Variants in EFEMP1 observed in about 807,000 individuals in gnomAD.
The protein encoded by EFEMP1 is EGF-like fibulin extracellular matrix protein 1.
In EFEMP1, 18 loss-of-function variants were observed where a neutral mutation model predicts 65.7. The observed-to-expected ratio is 0.27, with a 90% CI of 0.19 to 0.41. The LOEUF is 0.41. Among genes scored for constraint, EFEMP1 ranks in the 10% least tolerant of loss-of-function variants. EFEMP1 has a pLI of 1.00. For synonymous variants in EFEMP1, 237 were observed against 219.7 expected (o/e 1.08, Z -0.70); for missense variants, 469 against 624.8 (o/e 0.75, Z 2.66).
At chr2:55,891,459 G>GA (rs1558472044) in intron 5 of EFEMP1, among the ~76,000 whole-genome samples, 1 of 152,082 alleles carries the variant, frequency 6.6e-6, no homozygotes, top group South Asian at 2.1e-4. Flanking sequence ...ATTAAAAATT[G>GA]AAAAACAGAT....
chr2:55,922,542 G>A lies in EFEMP1; in HGVS notation c.-7-95C>T. 1.7e-6 allele frequency: 2 copies of A among 1,157,784 alleles called. No individual in the cohort carries two copies. The highest frequency in any genetic ancestry group is 3.5e-5 in the Admixed American group (2 of 57,472). 71.7% of individuals were successfully genotyped at this position (1,157,784 alleles called of 1,614,324 possible). A position where few individuals can be genotyped will look rare whatever the true frequency, so the allele number is the denominator to read the frequency against. On this transcript the variant is annotated intron_variant, in intron 2 of 11. Coordinates refer to ENST00000355426, the MANE Select transcript of EFEMP1 (RefSeq NM_001039348.3). The surrounding 1 kb of genome is among the most constrained non-coding windows in gnomAD (Gnocchi z 5.5). ...GAGCACAAGCGAGGAAAGGAGGGTG[G>A]GAGAGGCTGAGGCTCCACCATACTC...
Position 55,870,811 on chromosome 2 carries a change from A to T in EFEMP1, c.1229T>A (p.Ile410Asn). ...IRSDRSVPSD[I>N]FQIQATTIYA... is the part of the protein sequence containing the mutation. The stretch of plus-strand genomic sequence containing the variant: ...AATAGTTGTGGCCTGTATCTGGAAG[A>T]TGTCTGATGGCACAGACCTATCAGA... Residue 410 changes from isoleucine (I) to asparagine (N), a missense_variant, in exon 11 of 12, where the codon ATC becomes AAC. Around this residue, in one of 3 missense-constraint regions of EFEMP1, gnomAD observed 399 missense variants for 528.2 expected, o/e 0.76. Coordinates refer to ENST00000355426, the MANE Select transcript of EFEMP1 (RefSeq NM_001039348.3). The surrounding 1 kb of genome is among the most constrained non-coding windows in gnomAD (Gnocchi z 5.8). 1 of 1,613,886 alleles carries T rather than the reference A, an allele frequency of 6.2e-7. No individual in the cohort carries two copies. The highest frequency in any genetic ancestry group is 8.5e-7 in the Non-Finnish European group (1 of 1,179,836).
chr2:55,881,943 G>A (rs1195615790), intron 5 of EFEMP1, among the ~76,000 whole-genome samples: 1 of 152,148 alleles, frequency 6.6e-6, no homozygotes, highest in South Asian at 2.1e-4. Flanking sequence ...TTTAACAAAT[G>A]CTAACATTTT....
intron 5 of EFEMP1, among the ~76,000 whole-genome samples, chr2:55,907,196 A>G (rs559069065): frequency 1.3e-5 from 2 of 152,346 alleles, no homozygotes; most frequent in South Asian, 2.1e-4. Flanking sequence ...AACTATGATC[A>G]GTTTCATTTT....
At chr2:55,908,606 CAAGTG>C (rs1670370349) in intron 5 of EFEMP1, among the ~76,000 whole-genome samples, 2 of 152,066 alleles carry the variant, frequency 1.3e-5, no homozygotes, top group African/African-American at 2.4e-5. Context: ...TGCAAAAAAA[CAAGTG>C]AAGTAATGGT....
At chr2:55,895,823 G>A (rs1669810970) in intron 5 of EFEMP1, among the ~76,000 whole-genome samples, 1 of 152,010 alleles carries the variant, frequency 6.6e-6, no homozygotes, top group African/African-American at 2.4e-5. Flanking sequence ...TTACAGGCGT[G>A]AACCACCGCG....
chr2:55,918,293 G>T, intron 3 of EFEMP1, 26 bp from the exon 4 acceptor site: 1 of 1,613,956 alleles, frequency 6.2e-7, no homozygotes, highest in Non-Finnish European at 8.5e-7. Flanking sequence ...CAAAGGTGGG[G>T]CCAGGAGACA....
rs950252106 is a variant in EFEMP1 at position 55,877,382 on chromosome 2, G to A, written c.760+364C>T. 2.6e-5 allele frequency among the ~76,000 whole-genome samples: 4 copies of A among 152,152 alleles called. No homozygotes were observed. The highest frequency in any genetic ancestry group is 4.8e-5 in the African/African-American group (2 of 41,452). ...CATTCTGAAAGGGGAGAAGAGGCATGTAAAAATCAGATGCACTTTCAGTGG... is the reference window on the plus strand; with the variant it reads ...CATTCTGAAAGGGGAGAAGAGGCATATAAAAATCAGATGCACTTTCAGTGG... On this transcript the variant is annotated intron_variant, in intron 7 of 11. Coordinates refer to ENST00000355426, the MANE Select transcript of EFEMP1 (RefSeq NM_001039348.3). The surrounding 1 kb of genome is among the most constrained non-coding windows in gnomAD (Gnocchi z 4.5).
intron 5 of EFEMP1, among the ~76,000 whole-genome samples, chr2:55,904,030 G>T (rs982150575): frequency 4.6e-5 from 7 of 152,160 alleles, no homozygotes; most frequent in African/African-American, 7.2e-5. Flanking sequence ...GAAGATAAAG[G>T]TATGGCTCAG....
Position 55,922,909 on chromosome 2 carries a change from CAG to C in EFEMP1, c.-20_-19del. The C allele has an allele frequency of 5.4e-6, 6 of 1,101,372 alleles. No individual in the cohort carries two copies. Among genetic ancestry groups the C allele is most frequent in the Non-Finnish European group, 5.6e-6 (5 of 898,180 alleles). The allele number at this position is 1,101,372 out of a possible 1,614,324, so 68.2% of individuals were successfully genotyped here. ...TCCCAGTATACTCACCTTGAGCTAG[CAG>C]AGTTCCTTGCACAGCACAGCAAAAA... is the stretch of plus-strand genomic sequence containing the variant. On this transcript the variant is annotated 5_prime_UTR_variant, in exon 2 of 12. Coordinates refer to ENST00000355426, the MANE Select transcript of EFEMP1 (RefSeq NM_001039348.3). This position sits in a 1 kb window ranked among gnomAD's most constrained non-coding sequence, Gnocchi z 5.5.
chr2:55,910,345 T>C (rs1670436246), intron 5 of EFEMP1, among the ~76,000 whole-genome samples: 1 of 152,220 alleles, frequency 6.6e-6, no homozygotes, highest in South Asian at 2.1e-4. Context: ...AGTGTGCGAT[T>C]TGCAATTACC....
intron 5 of EFEMP1, among the ~76,000 whole-genome samples, chr2:55,893,725 T>C (rs1319157492): frequency 1.3e-5 from 2 of 152,218 alleles, no homozygotes; most frequent in African/African-American, 4.8e-5. Context: ...TTCAGCTATA[T>C]ACAGATGGAA....
At position 55,922,634 on chromosome 2, in the gene EFEMP1, C is replaced by A. The variant is rs1354345674; in HGVS notation, c.-7-187G>T. 4.8e-6 allele frequency: 3 copies of A among 624,340 alleles called. No homozygotes were observed. In the African/African-American group the frequency reaches 5.5e-5, roughly 11 times the overall value. 38.7% of individuals were successfully genotyped at this position (624,340 alleles called of 1,614,324 possible). A position where few individuals can be genotyped will look rare whatever the true frequency, so the allele number is the denominator to read the frequency against. ...CCTTCTCGGTAGCCAACGAACGAGG[C>A]AGCAAAGACGTAAAAACTGCTGTAG... On this transcript the variant is annotated intron_variant, in intron 2 of 11. Coordinates refer to ENST00000355426, the MANE Select transcript of EFEMP1 (RefSeq NM_001039348.3). This position sits in a 1 kb window ranked among gnomAD's most constrained non-coding sequence, Gnocchi z 5.5.
rs1000498647 is a variant in EFEMP1 at position 55,921,622 on chromosome 2, C to T, written c.81+738G>A. ...GAAGTCAGTACTGTCCTTCTCTGTT[C>T]TCACCACAACTATTTGTAGCAGTGG... is the stretch of plus-strand genomic sequence containing the variant. On this transcript the variant is annotated intron_variant, in intron 3 of 11. Transcript: ENST00000355426. The surrounding 1 kb of genome is among the most constrained non-coding windows in gnomAD (Gnocchi z 4.1). Among the ~76,000 whole-genome samples the T allele has an allele frequency of 5.3e-5, 8 of 152,216 alleles. No homozygotes were observed. Among genetic ancestry groups the T allele is most frequent in the Non-Finnish European group, 1.0e-4 (7 of 68,042 alleles).
chr2:55,903,452 T>C (rs954607368), intron 5 of EFEMP1, among the ~76,000 whole-genome samples: 1 of 152,236 alleles, frequency 6.6e-6, no homozygotes, highest in Non-Finnish European at 1.5e-5. Flanking sequence ...TGTCAGCTAC[T>C]GGAAGACAGG....
At chr2:55,882,277 CT>C (rs1669269383) in intron 5 of EFEMP1, among the ~76,000 whole-genome samples, 1 of 152,078 alleles carries the variant, frequency 6.6e-6, no homozygotes, top group African/African-American at 2.4e-5. Flanking sequence ...TATACGTTCC[CT>C]GTAGCTGTTT....
chr2:55,876,726 A>T lies in EFEMP1; in HGVS notation c.777T>A (p.Asp259Glu). 6.2e-7 allele frequency: 1 copy of T among 1,608,710 alleles called. No homozygotes were observed. The highest frequency in any genetic ancestry group is 8.5e-7 in the Non-Finnish European group (1 of 1,176,768). The change falls in exon 8 of 12, where the codon GAT (aspartate) becomes GAA (glutamate). Residue 259 changes from aspartate (D) to glutamate (E), a missense_variant. Coordinates refer to ENST00000355426, the MANE Select transcript of EFEMP1 (RefSeq NM_001039348.3). Reference protein sequence around the residue: ...NYTCVDINECDASNQCAQQCY... With the variant: ...NYTCVDINECEASNQCAQQCY... ...ACTGCTGAGCACATTGATTGCTGGC[A>T]TCACATTCATTTATATCTGAAAAAA...
chr2:55,884,888 T>C (rs1184218600), intron 5 of EFEMP1, among the ~76,000 whole-genome samples: 2 of 152,124 alleles, frequency 1.3e-5, no homozygotes, highest in African/African-American at 4.8e-5. Flanking sequence ...GTGCCTAGGA[T>C]AGTGCATGAA....
intron 9 of EFEMP1, among the ~76,000 whole-genome samples, chr2:55,872,232 A>G (rs955006880): frequency 6.6e-6 from 1 of 152,146 alleles, no homozygotes; most frequent in Non-Finnish European, 1.5e-5. Flanking sequence ...TACTCATTCC[A>G]TAAGTAATTT....
Sources: gnomAD v4.1 joint callset for allele counts (sites outside exome capture counted in the v4.1 genomes callset) on GRCh38, gnomAD v4.1.1 for gene constraint, gnomAD v4.1.1 regional missense constraint, Gnocchi (gnomAD v3.1) non-coding constraint, MANE v1.5 for transcripts, NCBI Gene and HGNC (gene_info 2026-07-23, HGNC 2026-07-21) for gene names.